Variants in PRKCH observed in about 807,000 individuals in gnomAD.
The protein encoded by PRKCH is protein kinase C eta.
Under a neutral mutation model 82.5 loss-of-function variants are expected in PRKCH, and 28 were observed. The ratio of observed to expected loss-of-function variants is 0.34; its 90% CI spans 0.25 to 0.47. PRKCH has a LOEUF of 0.47. Among genes scored for constraint, PRKCH ranks in the 20% least tolerant of loss-of-function variants. The probability of loss-of-function intolerance (pLI) is 1.00; values close to 1 mark genes in which losing one functional copy is unlikely to be tolerated. For synonymous variants in PRKCH, 322 were observed against 327.4 expected (o/e 0.98, Z 0.18); for missense variants, 705 against 881.8 (o/e 0.80, Z 2.54).
At chr14:61,499,015 C>T (rs1235207303) in intron 10 of PRKCH, among the ~76,000 whole-genome samples, 1 of 152,134 alleles carries the variant, frequency 6.6e-6, no homozygotes, top group African/African-American at 2.4e-5. Context: ...ACACAGTAGA[C>T]AGGCACGAGA....
At chr14:61,210,159 T>TATAA (rs2044562848) in intron 1 of PRKCH, among the ~76,000 whole-genome samples, 1 of 101,386 alleles carries the variant, frequency 9.9e-6, no homozygotes, top group Admixed American at 1.0e-4. Flanking sequence ...TATATATATA[T>TATAA]ATAAATTAGC....
chr14:61,396,931 A>G (rs1195723598), intron 2 of PRKCH, among the ~76,000 whole-genome samples: 3 of 152,232 alleles, frequency 2.0e-5, no homozygotes, highest in African/African-American at 4.8e-5. Context: ...AGGTCAGACA[A>G]TAAATTGCAT....
chr14:61,484,487 A>C (rs545413596), intron 9 of PRKCH, among the ~76,000 whole-genome samples: 1 of 152,046 alleles, frequency 6.6e-6, no homozygotes, highest in South Asian at 2.1e-4. Flanking sequence ...AACGTTTTAC[A>C]CTTAGATAAA....
chr14:61,410,218 C>G (rs1181515981), intron 2 of PRKCH, among the ~76,000 whole-genome samples: 1 of 152,170 alleles, frequency 6.6e-6, no homozygotes, highest in African/African-American at 2.4e-5. Flanking sequence ...ACTTCACCCC[C>G]ACCCCGTTCT....
chr14:61,474,717 T>A (rs553772806), intron 9 of PRKCH, among the ~76,000 whole-genome samples: 21 of 152,280 alleles, frequency 1.4e-4, no homozygotes, highest in Non-Finnish European at 2.8e-4. Flanking sequence ...TTAAAAAAAT[T>A]TTTTAATAGT....
At chr14:61,359,976 A>G (rs1479877254) in intron 1 of PRKCH, among the ~76,000 whole-genome samples, 2 of 152,216 alleles carry the variant, frequency 1.3e-5, no homozygotes, top group African/African-American at 4.8e-5. Context: ...AGTTTTACAG[A>G]GCTGTGAAGT....
At chr14:61,222,851 C>T (rs2044665669) in intron 1 of PRKCH, among the ~76,000 whole-genome samples, 2 of 152,184 alleles carry the variant, frequency 1.3e-5, no homozygotes, top group African/African-American at 4.8e-5. Context: ...ATTTGAACCT[C>T]AAAGATTCGT....
intron 1 of PRKCH, among the ~76,000 whole-genome samples, chr14:61,356,925 G>T (rs1448347953): frequency 6.6e-6 from 1 of 152,092 alleles, no homozygotes; most frequent in Non-Finnish European, 1.5e-5. Flanking sequence ...CAGGTGATCT[G>T]CCCGCCTCAG....
intron 2 of PRKCH, among the ~76,000 whole-genome samples, chr14:61,415,233 T>C (rs2140238119): frequency 6.6e-6 from 1 of 152,366 alleles, no homozygotes; most frequent in African/African-American, 2.4e-5. Context: ...GAAGTGTGTG[T>C]TCTATTGTGT....
chr14:61,303,889 A>G (rs2045465373), intron 1 of PRKCH: 1 of 150,982 alleles, frequency 6.6e-6, no homozygotes, highest in African/African-American at 2.4e-5. Context: ...CTCCAACTAA[A>G]TGTTCTTTAG....
At chr14:61,255,200 T>C (rs897254081) in intron 1 of PRKCH, among the ~76,000 whole-genome samples, 3 of 152,210 alleles carry the variant, frequency 2.0e-5, no homozygotes, top group Non-Finnish European at 2.9e-5. Flanking sequence ...TTTCTTTCTC[T>C]TCATTAGGCA....
intron 1 of PRKCH, among the ~76,000 whole-genome samples, chr14:61,228,004 A>G (rs1383788988): frequency 1.3e-5 from 2 of 152,222 alleles, no homozygotes; most frequent in Non-Finnish European, 2.9e-5. Context: ...CATCAGTAAT[A>G]AACAAAGGGA....
At chr14:61,199,761 A>G (rs1367799018) in intron 1 of PRKCH, among the ~76,000 whole-genome samples, 1 of 152,184 alleles carries the variant, frequency 6.6e-6, no homozygotes, top group African/African-American at 2.4e-5. Flanking sequence ...GCTTACCTCT[A>G]TTATTATATC....
chr14:61,302,953 C>T (rs2045458829), intron 1 of PRKCH: 2 of 151,174 alleles, frequency 1.3e-5, no homozygotes, highest in Admixed American at 1.3e-4. Flanking sequence ...CTACAAAGTA[C>T]ATGTAGGTGA....
intron 2 of PRKCH, among the ~76,000 whole-genome samples, chr14:61,404,710 G>A (rs1346994167): frequency 6.6e-6 from 1 of 152,176 alleles, no homozygotes; most frequent in Non-Finnish European, 1.5e-5. Flanking sequence ...CTATGTGTAT[G>A]CTGTTTTGTT....
chr14:61,202,194 G>A (rs534479617), intron 1 of PRKCH, among the ~76,000 whole-genome samples: 1 of 152,156 alleles, frequency 6.6e-6, no homozygotes, highest in East Asian at 1.9e-4. Flanking sequence ...GGGTTCTTTT[G>A]TACCTATCTG....
chr14:61,491,230 T>C (rs1429261519), intron 10 of PRKCH, among the ~76,000 whole-genome samples: 2 of 152,214 alleles, frequency 1.3e-5, no homozygotes, highest in East Asian at 1.9e-4. Context: ...TCTTTTTAGA[T>C]AAAGATGAAA....
intron 1 of PRKCH, among the ~76,000 whole-genome samples, chr14:61,336,628 T>C (rs1484377472): frequency 6.6e-6 from 1 of 152,230 alleles, no homozygotes; most frequent in East Asian, 1.9e-4. Flanking sequence ...GTACTTTTAT[T>C]GCTGTAATTA....
intron 1 of PRKCH, among the ~76,000 whole-genome samples, chr14:61,237,681 G>C (rs930435545): frequency 1.1e-4 from 17 of 152,162 alleles, no homozygotes; most frequent in African/African-American, 3.4e-4. Context: ...CTATGACCCA[G>C]AAACCTGGAA....
Sources: gnomAD v4.1 joint callset for allele counts (sites outside exome capture counted in the v4.1 genomes callset) on GRCh38, gnomAD v4.1.1 for gene constraint, MANE v1.5 for transcripts, NCBI Gene and HGNC (gene_info 2026-07-23, HGNC 2026-07-21) for gene names.